The following MYOZ2 variants were observed in gnomAD, a reference collection of about 807,000 sequenced individuals.
MYOZ2 encodes the protein myozenin-2.
In MYOZ2, 19 loss-of-function variants were observed where a neutral mutation model predicts 25.4. The ratio of observed to expected loss-of-function variants is 0.75; its 90% CI spans 0.52 to 1.10. The LOEUF (loss-of-function observed/expected upper bound fraction) is 1.10, where lower values mean the gene tolerates loss of function less well. MYOZ2 is among the 50% of genes least tolerant of loss of function. The pLI is 0.00. For synonymous variants in MYOZ2, 92 were observed against 106.9 expected (o/e 0.86, Z 0.86); for missense variants, 270 against 317.9 (o/e 0.85, Z 1.15).
chr4:119,170,667 A>G (rs1272633199), intron 5 of MYOZ2, among the ~76,000 whole-genome samples: 1 of 152,320 alleles, frequency 6.6e-6, no homozygotes, highest in East Asian at 1.9e-4. Context: ...AAGATGCAGA[A>G]AAACAGCAGA....
intron 5 of MYOZ2, among the ~76,000 whole-genome samples, chr4:119,178,492 AGTAAAT>A (rs1413244730): frequency 6.6e-6 from 1 of 152,228 alleles, no homozygotes; most frequent in Non-Finnish European, 1.5e-5. Context: ...GCCCCATCTC[AGTAAAT>A]TGCATATTTA....
intron 5 of MYOZ2, among the ~76,000 whole-genome samples, chr4:119,171,816 AACACACAC>A (rs35658721): frequency 6.7e-6 from 1 of 149,328 alleles, no homozygotes; most frequent in Non-Finnish European, 1.5e-5. Flanking sequence ...CAAACACACA[AACACACAC>A]ACACACACAC....
intron 4 of MYOZ2, among the ~76,000 whole-genome samples, chr4:119,161,113 T>A (rs1741698466): frequency 6.6e-6 from 1 of 152,148 alleles, no homozygotes; most frequent in East Asian, 1.9e-4. Flanking sequence ...GATCAACCTT[T>A]TTTAGCTTCC....
chr4:119,167,910 C>G (rs1457293193), intron 5 of MYOZ2, among the ~76,000 whole-genome samples: 4 of 152,240 alleles, frequency 2.6e-5, no homozygotes, highest in Non-Finnish European at 5.9e-5. Context: ...ATTTATTACT[C>G]TTTATTGACA....
chr4:119,139,246 C>T (rs1020638826), intron 2 of MYOZ2, among the ~76,000 whole-genome samples: 2 of 152,170 alleles, frequency 1.3e-5, no homozygotes, highest in Non-Finnish European at 2.9e-5. Flanking sequence ...TTACCATCAT[C>T]ATCACCTTGG....
rs10461202 is a variant in MYOZ2 at position 119,183,386 on chromosome 4, G to A, written c.561-2580G>A. ...TAGGGCTTAAAGGGGATTTAGAAAC[G>A]CAGTTGTAAATATCAGAGTACTCCA... is the stretch of plus-strand genomic sequence containing the variant. On this transcript the variant is annotated intron_variant, in intron 5 of 5. Transcript: ENST00000307128. Among the ~76,000 whole-genome samples the A allele has an allele frequency of 3.1e-3, 470 of 151,878 alleles. 14 individuals are homozygous for A. In the East Asian group the frequency reaches 0.058, roughly 19 times the overall value.
rs1278892933 is a variant in MYOZ2, at chr4:119,187,050, G to C, written c.*850G>C. Reference sequence around the variant, plus strand: ...GAGAGAAGGAAAGAGTAAGTAATTTGAATTGGCAGCTTTCTTTGCTAAATC... The same window carrying C: ...GAGAGAAGGAAAGAGTAAGTAATTTCAATTGGCAGCTTTCTTTGCTAAATC... On this transcript the variant is annotated 3_prime_UTR_variant, in exon 6 of 6. Coordinates refer to ENST00000307128, the MANE Select transcript of MYOZ2 (RefSeq NM_016599.5). 1 of 152,114 alleles carries C rather than the reference G, an allele frequency of 6.6e-6. No individual in the cohort carries two copies. The highest frequency in any genetic ancestry group is 2.4e-5 in the African/African-American group (1 of 41,434). 9.4% of individuals were successfully genotyped at this position (152,114 alleles called of 1,614,324 possible).
chr4:119,182,084 A>G (rs545778585), intron 5 of MYOZ2, among the ~76,000 whole-genome samples: 96 of 152,358 alleles, frequency 6.3e-4, no homozygotes, highest in African/African-American at 2.2e-3. Flanking sequence ...GTGCATAATA[A>G]AAACTTCTTA....
At chr4:119,141,562 T>C (rs1343549938) in intron 2 of MYOZ2, among the ~76,000 whole-genome samples, 1 of 152,162 alleles carries the variant, frequency 6.6e-6, no homozygotes, top group Non-Finnish European at 1.5e-5. Context: ...TTTGTATTTT[T>C]TTAGTAGAGA....
intron 5 of MYOZ2, among the ~76,000 whole-genome samples, chr4:119,175,145 C>T (rs556802620): frequency 9.2e-5 from 14 of 151,362 alleles, no homozygotes; most frequent in Non-Finnish European, 1.9e-4. Context: ...CACCAATTCC[C>T]GACACAGTAG....
chr4:119,180,928 T>C (rs988103187), intron 5 of MYOZ2, among the ~76,000 whole-genome samples: 4 of 152,194 alleles, frequency 2.6e-5, no homozygotes, highest in Non-Finnish European at 4.4e-5. Context: ...GAGTTATTTA[T>C]CCAAAAGTTA....
rs765292026 is a variant in MYOZ2 at position 119,164,191 on chromosome 4, T to C, written c.377-20T>C. The C allele has an allele frequency of 1.2e-6, 2 of 1,609,712 alleles. No homozygotes were observed. Among genetic ancestry groups the C allele is most frequent in the South Asian group, 2.2e-5 (2 of 90,970 alleles). ...CTCTCGGGCACAGTATTTACTTACT[T>C]TTGCTATATTTTTCCAAAGGATATT... On this transcript the variant is annotated intron_variant, in intron 4 of 5. Coordinates refer to ENST00000307128, the MANE Select transcript of MYOZ2 (RefSeq NM_016599.5).
chr4:119,147,114 T>C (rs931580749), intron 2 of MYOZ2, among the ~76,000 whole-genome samples: 10 of 152,218 alleles, frequency 6.6e-5, no homozygotes, highest in African/African-American at 2.4e-4. Flanking sequence ...GAGTTTCATG[T>C]AGGCAGCATC....
Position 119,186,107 on chromosome 4 carries a change from G to A in MYOZ2, c.702G>A (p.Arg234=), listed in dbSNP as rs757085402. 6.8e-6 allele frequency: 11 copies of A among 1,613,870 alleles called. No individual in the cohort carries two copies. The highest frequency in any genetic ancestry group is 8.5e-6 in the Non-Finnish European group (10 of 1,179,936). ...TTTCTGGCAGACGGTCCTTTAATAG[G>A]ACTCCTAAGGGATGGATATCTGAGA... ...NPLSGRRSFN[R]TPKGWISENI... Residue 234 remains arginine, a synonymous_variant, in exon 6 of 6, where the codon AGG becomes AGA. Coordinates refer to ENST00000307128, the MANE Select transcript of MYOZ2 (RefSeq NM_016599.5).
At chr4:119,184,631 G>A (rs1742255852) in intron 5 of MYOZ2, among the ~76,000 whole-genome samples, 1 of 152,172 alleles carries the variant, frequency 6.6e-6, no homozygotes, top group Admixed American at 6.6e-5. Context: ...TCTTTCACTA[G>A]AATGTAAGAA....
intron 2 of MYOZ2, among the ~76,000 whole-genome samples, chr4:119,143,023 G>T (rs1337306956): frequency 6.6e-6 from 1 of 152,038 alleles, no homozygotes; most frequent in Non-Finnish European, 1.5e-5. Context: ...TCAAGGGAGG[G>T]TCTTTTTGCT....
chr4:119,143,366 T>C (rs1164136291), intron 2 of MYOZ2, among the ~76,000 whole-genome samples: 1 of 152,066 alleles, frequency 6.6e-6, no homozygotes, highest in African/African-American at 2.4e-5. Flanking sequence ...TGGCTAATTT[T>C]TGTATTTTTA....
chr4:119,158,466 G>A (rs1258899101), intron 4 of MYOZ2, among the ~76,000 whole-genome samples: 1 of 152,004 alleles, frequency 6.6e-6, no homozygotes, highest in African/African-American at 2.4e-5. Context: ...TGGGGTAGGA[G>A]GATCATTTGA....
intron 5 of MYOZ2, among the ~76,000 whole-genome samples, chr4:119,182,741 C>T (rs995794882): frequency 3.3e-5 from 5 of 152,188 alleles, no homozygotes; most frequent in African/African-American, 9.7e-5. Context: ...GAAATGCTCA[C>T]TCACCCTCCG....
Sources: allele counts gnomAD v4.1 joint callset (sites outside exome capture counted in the v4.1 genomes callset), GRCh38; gene constraint gnomAD v4.1.1; transcripts MANE v1.5; gene names NCBI Gene and HGNC (gene_info 2026-07-23, HGNC 2026-07-21).